The following RELN variants were observed in gnomAD, a reference collection of about 807,000 sequenced individuals.
The protein encoded by RELN is reelin.
A neutral mutation model predicts 427.6 loss-of-function variants in RELN; 108 were observed. That is an observed-to-expected ratio of 0.25 (90% CI 0.22 to 0.30). The LOEUF (loss-of-function observed/expected upper bound fraction) is 0.30, where lower values mean the gene tolerates loss of function less well. Ranked by LOEUF, RELN falls within the 10% of genes least tolerant of loss-of-function variation. The pLI, the probability that RELN is intolerant of heterozygous loss-of-function variation, is 1.00. For synonymous variants in RELN, 1,524 were observed against 1,513.4 expected, an observed-to-expected ratio of 1.01 and a Z score of -0.16; for missense variants, 3,715 against 4,302.8, an observed-to-expected ratio of 0.86 and a Z score of 3.82.
chr7:103,570,247 G>A (rs1379360710), intron 31 of RELN, among the ~76,000 whole-genome samples: 2 of 152,202 alleles, frequency 1.3e-5, no homozygotes, highest in Non-Finnish European at 2.9e-5. Flanking sequence ...AAAGACTCCT[G>A]TCTATTGTAT....
At chr7:103,476,757 A>AT (rs763579358) in intron 64 of RELN, 28 of 389,700 alleles carry the variant, frequency 7.2e-5, no homozygotes, top group Middle Eastern at 3.8e-4. Flanking sequence ...AATTAGGGGA[A>AT]TTTTTAACAT....
At chr7:103,560,733 T>G (rs1830623836) in intron 36 of RELN, among the ~76,000 whole-genome samples, 1 of 152,218 alleles carries the variant, frequency 6.6e-6, no homozygotes, top group South Asian at 2.1e-4. Context: ...TGTAAATCTC[T>G]CTCAGGCCCT....
chr7:103,759,547 T>C (rs1464171204), intron 4 of RELN, among the ~76,000 whole-genome samples: 2 of 152,138 alleles, frequency 1.3e-5, no homozygotes, highest in South Asian at 2.1e-4. Context: ...GTGTTGGTGA[T>C]AGTTCTAGTC....
chr7:103,646,452 C>T (rs896251674), intron 16 of RELN, among the ~76,000 whole-genome samples: 16 of 151,810 alleles, frequency 1.1e-4, no homozygotes, highest in Non-Finnish European at 2.2e-4. Flanking sequence ...ACAACTGCTA[C>T]CACAAAAATA....
chr7:103,670,140 T>C (rs541205119), intron 11 of RELN, among the ~76,000 whole-genome samples: 2 of 152,264 alleles, frequency 1.3e-5, no homozygotes, highest in South Asian at 4.1e-4. Context: ...CTATCAGGTG[T>C]TTTGGAATGC....
At chr7:103,702,515 A>G (rs1449337259) in intron 8 of RELN, among the ~76,000 whole-genome samples, 3 of 152,206 alleles carry the variant, frequency 2.0e-5, no homozygotes, top group African/African-American at 7.2e-5. Flanking sequence ...AGGAAAGCTG[A>G]TATACATCAA....
intron 4 of RELN, among the ~76,000 whole-genome samples, chr7:103,769,621 T>C (rs947555107): frequency 3.9e-5 from 6 of 152,234 alleles, no homozygotes; most frequent in Non-Finnish European, 7.3e-5. Context: ...AAGTAAATCA[T>C]GCCCACTAGC....
chr7:103,956,722 T>A (rs982174517), intron 1 of RELN, among the ~76,000 whole-genome samples: 22 of 152,142 alleles, frequency 1.4e-4, no homozygotes, highest in African/African-American at 5.3e-4. Flanking sequence ...GAAATTTCAA[T>A]GTAGACTTGA....
chr7:103,805,862 T>C (rs757624044), intron 3 of RELN, among the ~76,000 whole-genome samples: 7 of 152,132 alleles, frequency 4.6e-5, no homozygotes, highest in Admixed American at 2.6e-4. Context: ...AGGACAGTGA[T>C]TGCCATCCCA....
At chr7:103,979,417 G>A (rs993399648) in intron 1 of RELN, among the ~76,000 whole-genome samples, 8 of 152,220 alleles carry the variant, frequency 5.3e-5, no homozygotes, top group Admixed American at 5.2e-4. Context: ...TGCCCTCTGT[G>A]GCAGCAGGTG....
intron 16 of RELN, among the ~76,000 whole-genome samples, chr7:103,645,194 A>G (rs1270774449): frequency 6.6e-6 from 1 of 151,846 alleles, no homozygotes; most frequent in Non-Finnish European, 1.5e-5. Context: ...TAAAACTCAC[A>G]GGTCTTATAA....
chr7:103,787,772 C>A (rs565088543), intron 3 of RELN, among the ~76,000 whole-genome samples: 2 of 152,308 alleles, frequency 1.3e-5, no homozygotes, highest in African/African-American at 4.8e-5. Flanking sequence ...GGAGCTGGTA[C>A]CATTCCTTCT....
intron 8 of RELN, among the ~76,000 whole-genome samples, chr7:103,709,059 G>A (rs2115837540): frequency 6.6e-6 from 1 of 152,294 alleles, no homozygotes; most frequent in East Asian, 1.9e-4. Context: ...AATGAATGAA[G>A]GCAATAAAGC....
At chr7:103,708,526 C>T (rs1018168254) in intron 8 of RELN, among the ~76,000 whole-genome samples, 2 of 138,348 alleles carry the variant, frequency 1.4e-5, no homozygotes, top group Admixed American at 7.6e-5. Flanking sequence ...TGCAGTGGCG[C>T]GATCTCGGCT....
intron 3 of RELN, among the ~76,000 whole-genome samples, chr7:103,821,311 T>A (rs868090343): frequency 6.6e-6 from 1 of 152,134 alleles, no homozygotes; most frequent in East Asian, 1.9e-4. Context: ...AAATAGGACA[T>A]TGAGTCCATA....
At chr7:103,972,299 C>A (rs996066661) in intron 1 of RELN, among the ~76,000 whole-genome samples, 3 of 152,124 alleles carry the variant, frequency 2.0e-5, no homozygotes, top group Admixed American at 2.0e-4. Context: ...ATTCCATTCA[C>A]GTCTGCATGC....
chr7:103,969,646 A>G (rs1265831417), intron 1 of RELN, among the ~76,000 whole-genome samples: 2 of 152,236 alleles, frequency 1.3e-5, no homozygotes, highest in East Asian at 3.8e-4. Flanking sequence ...AGTTAAATGC[A>G]AAAACCAAAC....
intron 8 of RELN, among the ~76,000 whole-genome samples, chr7:103,721,093 C>G (rs1398973971): frequency 5.3e-5 from 8 of 152,064 alleles, no homozygotes; most frequent in Non-Finnish European, 1.0e-4. Context: ...CATTTCATTC[C>G]TAAGGATATG....
At chr7:103,980,553 ATCTAAAAGGATGGAT>A (rs1158008623) in intron 1 of RELN, among the ~76,000 whole-genome samples, 9 of 152,226 alleles carry the variant, frequency 5.9e-5, no homozygotes, top group Admixed American at 5.9e-4. Context: ...AATGCGTACT[ATCTAAAAGGATGGAT>A]TCTGGAGAAC....
Sources: gnomAD v4.1 joint callset for allele counts (sites outside exome capture counted in the v4.1 genomes callset) on GRCh38, gnomAD v4.1.1 for gene constraint, MANE v1.5 for transcripts, NCBI Gene and HGNC (gene_info 2026-07-23, HGNC 2026-07-21) for gene names.